The following SPEF2 variants were observed in gnomAD, a reference collection of about 807,000 sequenced individuals.
SPEF2 encodes the protein sperm flagella and cilia-associated protein 2.
A neutral mutation model predicts 224.6 loss-of-function variants in SPEF2; 187 were observed. The observed-to-expected ratio is 0.83, with a 90% confidence interval of 0.74 to 0.94. The LOEUF (loss-of-function observed/expected upper bound fraction) is 0.94. SPEF2 is among the 40% of genes least tolerant of loss of function. The pLI is 0.00. For synonymous variants in SPEF2, 715 were observed against 707.3 expected (o/e 1.01, Z -0.17); for missense variants, 2,170 against 2,135.6 (o/e 1.02, Z -0.32).
At chr5:35,760,657 T>C (rs1314518933) in intron 25 of SPEF2, among the ~76,000 whole-genome samples, 1 of 152,076 alleles carries the variant, frequency 6.6e-6, no homozygotes. Flanking sequence ...CTGTGCAATA[T>C]AAAAGTCTGT....
In SPEF2 at chr5:35,756,942, C is replaced by T. The variant is rs1750532965; in HGVS notation, c.3469-2626C>T. On this transcript the variant is annotated intron_variant, in intron 24 of 36. Transcript: ENST00000356031. The stretch of plus-strand genomic sequence containing the variant: ...TCCCCAACAAGGTACTCATTAACTG[C>T]CTATAGGACAAGTTTTCTACAAAAT... 2.0e-5 allele frequency among the ~76,000 whole-genome samples: 3 copies of T among 151,184 alleles called. No individual in the cohort carries two copies. In the South Asian group the frequency reaches 6.2e-4, roughly 31 times the overall value.
At chr5:35,666,452 A>G (rs1334277304) in intron 8 of SPEF2, among the ~76,000 whole-genome samples, 1 of 151,952 alleles carries the variant, frequency 6.6e-6, no homozygotes, top group Non-Finnish European at 1.5e-5. Flanking sequence ...ATTGCTTTCT[A>G]CATAAATAGA....
At chr5:35,736,786 C>A (rs148170135) in intron 21 of SPEF2, among the ~76,000 whole-genome samples, 1 of 152,178 alleles carries the variant, frequency 6.6e-6, no homozygotes, top group African/African-American at 2.4e-5. Context: ...TGGAGAAGAA[C>A]TCTTTGGTGA....
intron 24 of SPEF2, among the ~76,000 whole-genome samples, chr5:35,758,890 C>T (rs562628694): frequency 3.3e-5 from 5 of 150,372 alleles, no homozygotes; most frequent in African/African-American, 4.9e-5. Flanking sequence ...CCTGTAAACC[C>T]GGCTACTCAG....
intron 1 of SPEF2, among the ~76,000 whole-genome samples, chr5:35,620,138 G>T (rs1743304406): frequency 6.6e-6 from 1 of 152,214 alleles, no homozygotes; most frequent in South Asian, 2.1e-4. Flanking sequence ...ACTTAACTGT[G>T]TTTGTAAGCC....
intron 6 of SPEF2, among the ~76,000 whole-genome samples, chr5:35,652,265 A>G (rs182010442): frequency 6.6e-6 from 1 of 152,296 alleles, no homozygotes; most frequent in Non-Finnish European, 1.5e-5. Flanking sequence ...TTGATAAAGG[A>G]GAAGCAATTT....
At chr5:35,655,897 T>C (rs1748890393) in intron 7 of SPEF2, among the ~76,000 whole-genome samples, 1 of 152,100 alleles carries the variant, frequency 6.6e-6, no homozygotes, top group Admixed American at 6.5e-5. Flanking sequence ...TGGCTTTAGT[T>C]TGGAGAATAG....
chr5:35,722,475 T>C (rs1196325456), intron 20 of SPEF2, among the ~76,000 whole-genome samples: 1 of 150,810 alleles, frequency 6.6e-6, no homozygotes, highest in Non-Finnish European at 1.5e-5. Context: ...GTTTTTTTTT[T>C]CAAGGTTTTT....
chr5:35,779,412 C>T (rs1754025391), intron 30 of SPEF2, 66 bp downstream of exon 30: 2 of 1,253,454 alleles, frequency 1.6e-6, no homozygotes, highest in Non-Finnish European at 2.2e-6. Context: ...ACAGAAATCA[C>T]TTGCCAACAA....
intron 29 of SPEF2, among the ~76,000 whole-genome samples, chr5:35,778,485 G>A (rs1269037390): frequency 6.6e-6 from 1 of 152,184 alleles, no homozygotes; most frequent in Non-Finnish European, 1.5e-5. Context: ...CCGCATCATA[G>A]TGGTTCCCAG....
At chr5:35,753,880 C>T (rs1373028951) in intron 24 of SPEF2, 119 bp downstream of exon 24, 9 of 1,234,212 alleles carry the variant, frequency 7.3e-6, no homozygotes, top group Non-Finnish European at 1.0e-5. Flanking sequence ...TTTGGTATAG[C>T]ACTATGCCTG....
chr5:35,704,699 T>C (rs1402840893), intron 17 of SPEF2, 37 bp downstream of exon 17: 2 of 1,221,480 alleles, frequency 1.6e-6, no homozygotes. Flanking sequence ...TCTTGTTTCA[T>C]GCTTTTTAAA....
intron 23 of SPEF2, among the ~76,000 whole-genome samples, chr5:35,743,857 A>G (rs1475870701): frequency 1.3e-5 from 2 of 152,174 alleles, no homozygotes; most frequent in African/African-American, 4.8e-5. Flanking sequence ...AGCATGCACT[A>G]TGTTCTGGCA....
intron 30 of SPEF2, chr5:35,790,381 A>T (rs1469147457): frequency 6.0e-6 from 3 of 500,812 alleles, no homozygotes; most frequent in Non-Finnish European, 7.0e-6. Flanking sequence ...CAATATGCAA[A>T]TGTTGACATT....
At chr5:35,707,409 T>G (rs1157715075) in intron 18 of SPEF2, among the ~76,000 whole-genome samples, 2 of 152,178 alleles carry the variant, frequency 1.3e-5, no homozygotes, top group African/African-American at 4.8e-5. Context: ...AAAGCAATAA[T>G]TATGAATAAC....
chr5:35,750,601 C>T (rs1004338540), intron 23 of SPEF2, among the ~76,000 whole-genome samples: 1 of 152,086 alleles, frequency 6.6e-6, no homozygotes, highest in Non-Finnish European at 1.5e-5. Context: ...AAATGCTCAA[C>T]ATCACTAATG....
chr5:35,635,339 T>C (rs899749147), intron 2 of SPEF2, among the ~76,000 whole-genome samples: 1 of 152,210 alleles, frequency 6.6e-6, no homozygotes, highest in African/African-American at 2.4e-5. Flanking sequence ...GGTATTCTCA[T>C]ACTTTATTTT....
rs1744906140 is a variant in SPEF2, at chr5:35,727,720, A to G, written c.2960A>G (p.Lys987Arg). The change falls in exon 21 of 37, where the codon AAA (lysine) becomes AGA (arginine). Residue 987 changes from lysine (K) to arginine (R), a missense_variant. Physicochemically the swap from Lys to Arg is conservative, Grantham distance 26 (BLOSUM62 2). Coordinates refer to ENST00000356031, the MANE Select transcript of SPEF2 (RefSeq NM_024867.4). ...KSSGGKVPVK[K>R]SPADSTDTSP... ...TCAGGAGGAAAAGTACCAGTAAAGA[A>G]ATCACCTGCTGACTCTACAGATACA... is the stretch of plus-strand genomic sequence containing the variant. 1 of 1,613,778 alleles carries G rather than the reference A, an allele frequency of 6.2e-7. No individual in the cohort carries two copies. The highest frequency in any genetic ancestry group is 8.5e-7 in the Non-Finnish European group (1 of 1,179,868).
In SPEF2 at chr5:35,670,130, C is replaced by A; in HGVS notation, c.1427C>A (p.Ala476Asp). The A allele has an allele frequency of 6.2e-7, 1 of 1,612,134 alleles. No homozygotes were observed. The highest frequency in any genetic ancestry group is 8.5e-7 in the Non-Finnish European group (1 of 1,178,904). Reference protein sequence around the residue: ...FFNAKPIYEQASVKTLPANPS... With the variant: ...FFNAKPIYEQDSVKTLPANPS... ...AATGCAAAACCCATATATGAACAAG[C>A]CTCTGTTAAGACACTACCTGCTAAC... Residue 476 changes from alanine to aspartate, a missense_variant, in exon 10 of 37, where the codon GCC becomes GAC. By Grantham distance (126) the Ala-to-Asp change is moderately radical. Transcript: ENST00000356031.
Sources: allele counts gnomAD v4.1 joint callset (sites outside exome capture counted in the v4.1 genomes callset), GRCh38; gene constraint gnomAD v4.1.1; transcripts MANE v1.5; gene names NCBI Gene and HGNC (gene_info 2026-07-23, HGNC 2026-07-21).